FAM118A: variants seen among roughly 807,000 people sequenced by gnomAD.
FAM118A encodes SIR2 antiphage like 2.
In FAM118A, 25 loss-of-function variants were observed where a neutral mutation model predicts 38.2. The ratio of observed to expected loss-of-function variants is 0.65; its 90% CI spans 0.48 to 0.91. The LOEUF (loss-of-function observed/expected upper bound fraction) is 0.91. FAM118A is among the 40% of genes least tolerant of loss of function. The pLI, the probability that FAM118A is intolerant of heterozygous loss-of-function variation, is 0.00. For missense variants in FAM118A, 425 were observed against 463.3 expected, an observed-to-expected ratio of 0.92 and a Z score of 0.76; for synonymous variants, 178 against 184.1, an observed-to-expected ratio of 0.97 and a Z score of 0.27.
chr22:45,316,994 G>A (rs1458924326), intron 1 of FAM118A, among the ~76,000 whole-genome samples: 1 of 152,190 alleles, frequency 6.6e-6, no homozygotes, highest in Non-Finnish European at 1.5e-5. Flanking sequence ...AGTCCCTCTT[G>A]CTTCATTGTA....
intron 1 of FAM118A, among the ~76,000 whole-genome samples, chr22:45,311,983 C>T (rs1006771316): frequency 3.9e-5 from 6 of 151,954 alleles, no homozygotes; most frequent in Non-Finnish European, 7.4e-5. Context: ...CCACACAGGA[C>T]GCAGTGGGGC....
At chr22:45,322,866 C>A (rs1601910860) in intron 2 of FAM118A, among the ~76,000 whole-genome samples, 1 of 152,184 alleles carries the variant, frequency 6.6e-6, no homozygotes, top group African/African-American at 2.4e-5. Context: ...GTATTCATAA[C>A]CTGTGTGCAG....
chr22:45,336,880 G>A (rs914437821), intron 8 of FAM118A, among the ~76,000 whole-genome samples: 2 of 152,308 alleles, frequency 1.3e-5, no homozygotes, highest in South Asian at 2.1e-4. Flanking sequence ...CATGTCACCT[G>A]AGTCTCTGGA....
chr22:45,336,185 G>A, intron 7 of FAM118A, 143 bp from the exon 8 acceptor site: 1 of 584,558 alleles, frequency 1.7e-6, no homozygotes, highest in Non-Finnish European at 3.0e-6. Flanking sequence ...TCTCTTTGGA[G>A]AGAAGCCGTA....
Position 45,323,184 on chromosome 22 carries a change from A to T in FAM118A, c.57A>T (p.Leu19Phe). The T allele has an allele frequency of 6.2e-7, 1 of 1,608,292 alleles. No homozygotes were observed. Among genetic ancestry groups the T allele is most frequent in the African/African-American group, 1.3e-5 (1 of 74,830 alleles). The change falls in exon 3 of 9, where the codon TTA (leucine) becomes TTT (phenylalanine). Residue 19 changes from leucine to phenylalanine, a missense_variant. Transcript: ENST00000441876. ...NRSEQKSRKF[L>F]KSLIRKQPQE... ...CCTTCTTTTCAAGTAGAAAGTTTTT[A>T]AAAAGCCTCATCCGGAAACAGCCCC...
At chr22:45,323,017 G>C (rs754634250) in intron 2 of FAM118A, among the ~76,000 whole-genome samples, 158 bp from the exon 3 acceptor site, 30 of 149,294 alleles carry the variant, frequency 2.0e-4, no homozygotes, top group Admixed American at 3.4e-4. Flanking sequence ...TACACAGGCC[G>C]TCTCCCCACA....
chr22:45,309,880 G>T, upstream of FAM118A: 1 of 152,254 alleles, frequency 6.6e-6, no homozygotes, highest in South Asian at 2.0e-4. Context: ...CGGGGCCGTT[G>T]GTTTCGGGAC....
chr22:45,321,045 AG>A, intron 1 of FAM118A, among the ~76,000 whole-genome samples: 1 of 152,352 alleles, frequency 6.6e-6, no homozygotes, highest in East Asian at 1.9e-4. Context: ...AATAACATAA[AG>A]GAGATGTATT....
chr22:45,332,391 A>G, intron 5 of FAM118A, 34 bp from the exon 6 acceptor site: 8 of 1,588,564 alleles, frequency 5.0e-6, no homozygotes, highest in Non-Finnish European at 6.8e-6. Flanking sequence ...TGTCTTTCAA[A>G]TGAGCACTCA....
intron 8 of FAM118A, among the ~76,000 whole-genome samples, chr22:45,338,588 T>C (rs1293223685): frequency 6.6e-6 from 1 of 152,238 alleles, no homozygotes; most frequent in Non-Finnish European, 1.5e-5. Context: ...CTGCGAGAAC[T>C]CTGGAGACAG....
chr22:45,314,158 G>A (rs1325755351), intron 1 of FAM118A, among the ~76,000 whole-genome samples: 4 of 152,118 alleles, frequency 2.6e-5, no homozygotes, highest in African/African-American at 7.2e-5. Context: ...GGAAAATGCC[G>A]TCCTCTTGAG....
At chr22:45,329,666 C>T (rs2085563945) in intron 4 of FAM118A, 1 of 152,382 alleles carries the variant, frequency 6.6e-6, no homozygotes, top group African/African-American at 2.4e-5. Context: ...GGCAGGGCCG[C>T]CTGAGGGGAG....
chr22:45,332,371 A>G, intron 5 of FAM118A, 54 bp from the exon 6 acceptor site: 1 of 1,559,342 alleles, frequency 6.4e-7, no homozygotes, highest in Middle Eastern at 2.3e-4. Flanking sequence ...GGTTAGTTGT[A>G]AGCTCTTGCT....
At chr22:45,321,140 G>A (rs1184637924) in intron 1 of FAM118A, among the ~76,000 whole-genome samples, 2 of 152,022 alleles carry the variant, frequency 1.3e-5, no homozygotes, top group Non-Finnish European at 2.9e-5. Context: ...TTTTTGAGAC[G>A]GAGTCTTGCT....
Position 45,336,377 on chromosome 22 carries a change from T to C in FAM118A, c.1020T>C (p.Ile340=). The change falls in exon 8 of 9, where the codon ATT becomes ATC. Residue 340 remains isoleucine (I), a synonymous_variant. Coordinates refer to ENST00000441876, the MANE Select transcript of FAM118A (RefSeq NM_017911.4). The stretch of plus-strand genomic sequence containing the variant: ...AGAGGAAGTTAGAAGAGAATGGAAT[T>C]GAAGTTTCAAAAAAACGCACACAAT... ...CAKRKLEENG[I]EVSKKRTQSD... The C allele has an allele frequency of 6.2e-7, 1 of 1,614,066 alleles. No homozygotes were observed. Among genetic ancestry groups the C allele is most frequent in the Non-Finnish European group, 8.5e-7 (1 of 1,179,950 alleles).
At chr22:45,320,818 G>A (rs2084832294) in intron 1 of FAM118A, among the ~76,000 whole-genome samples, 1 of 152,148 alleles carries the variant, frequency 6.6e-6, no homozygotes, top group Admixed American at 6.5e-5. Context: ...TCTGGAAAGC[G>A]GTTTGGTGGT....
Position 45,338,798 on chromosome 22 carries a change from AATCCT to A in FAM118A, c.1055-1587_1055-1583del, listed in dbSNP as rs2086276813. ...CAGTTACCTCTTCATTTAACATTTA[AATCCT>A]TCAGTGGGTATGCTGGAGCAGTATC... On this transcript the variant is annotated intron_variant, in intron 8 of 8. Coordinates refer to ENST00000441876, the MANE Select transcript of FAM118A (RefSeq NM_017911.4). 5.3e-5 allele frequency among the ~76,000 whole-genome samples: 8 copies of A among 152,354 alleles called. No individual in the cohort carries two copies. In the South Asian group the frequency reaches 1.7e-3, roughly 32 times the overall value.
At chr22:45,328,635 A>G in intron 4 of FAM118A, 1 of 575,188 alleles carries the variant, frequency 1.7e-6, no homozygotes, top group Non-Finnish European at 3.1e-6. Context: ...TTTCTCTTAA[A>G]AAAAAAAAAG....
chr22:45,339,708 C>T (rs1201291868), intron 8 of FAM118A, among the ~76,000 whole-genome samples: 1 of 152,130 alleles, frequency 6.6e-6, no homozygotes, highest in Non-Finnish European at 1.5e-5. Flanking sequence ...AAGGCCCGGG[C>T]GATTATTCTC....
Sources: allele counts gnomAD v4.1 joint callset (sites outside exome capture counted in the v4.1 genomes callset), GRCh38; gene constraint gnomAD v4.1.1; transcripts MANE v1.5; gene names NCBI Gene and HGNC (gene_info 2026-07-23, HGNC 2026-07-21).